Variants in PCDHGA10 observed in about 807,000 individuals in gnomAD.
PCDHGA10 encodes the protein protocadherin gamma subfamily A, 10.
A neutral mutation model predicts 59.5 loss-of-function variants in PCDHGA10; 42 were observed. The observed-to-expected ratio is 0.71, with a 90% CI of 0.55 to 0.91. PCDHGA10 has a LOEUF of 0.91. Ranked by LOEUF, PCDHGA10 falls within the 40% of genes least tolerant of loss-of-function variation. The pLI, the probability that PCDHGA10 is intolerant of heterozygous loss-of-function variation, is 0.00. For missense variants in PCDHGA10, 1,111 were observed against 1,198.2 expected (o/e 0.93, Z 1.07); for synonymous variants, 511 against 517.2 (o/e 0.99, Z 0.16).
chr5:141,486,019 T>C lies in PCDHGA10; in HGVS notation c.2437-8788T>C, dbSNP rs2078071. 3.2e-3 allele frequency: 5,143 copies of C among 1,613,986 alleles called. 141 individuals carry two copies. In the South Asian group the frequency reaches 0.046, roughly 14 times the overall value. ...GTGGTAACGTCACCTTTTATTTCAG[T>C]GGTCATACCCCTGATCGTGTAAGAA... On this transcript the variant is annotated intron_variant, in intron 1 of 3. Transcript: ENST00000398610. The surrounding 1 kb of genome is among the most constrained non-coding windows in gnomAD (Gnocchi z 5.0).
At chr5:141,492,834 G>T (rs544218873) in intron 1 of PCDHGA10, among the ~76,000 whole-genome samples, 36 of 152,332 alleles carry the variant, frequency 2.4e-4, no homozygotes, top group Non-Finnish European at 4.1e-4. Flanking sequence ...CCTTCCTCCC[G>T]CAGGAAGTGA....
rs2099670287 is a variant in PCDHGA10, at chr5:141,487,983, TC to T, written c.2437-6822del. Among the ~76,000 whole-genome samples, 3 of 152,290 alleles carry T rather than the reference TC, an allele frequency of 2.0e-5. No individual in the cohort carries two copies. The South Asian group carries it at 6.2e-4, about 32-fold the overall frequency. ...CAAAGGTGGCTGTTTTCTCTACTCT[TC>T]CTGAAAGAGGGGATCAGATTCTGAA... On this transcript the variant is annotated intron_variant, in intron 1 of 3. Coordinates refer to ENST00000398610, the MANE Select transcript of PCDHGA10 (RefSeq NM_018913.3). This position sits in a 1 kb window ranked among gnomAD's most constrained non-coding sequence, Gnocchi z 5.0.
At position 141,414,930 on chromosome 5, in the gene PCDHGA10, C is replaced by A. The variant is rs561548499; in HGVS notation, c.1755C>A (p.Ser585=). 1 of 1,614,156 alleles carries A rather than the reference C, an allele frequency of 6.2e-7. No homozygotes were observed. Among genetic ancestry groups the A allele is most frequent in the South Asian group, 1.1e-5 (1 of 91,084 alleles). Residue 585 remains serine (S), a synonymous_variant, in exon 1 of 4, where the codon TCC becomes TCA. Coordinates refer to ENST00000398610, the MANE Select transcript of PCDHGA10 (RefSeq NM_018913.3). ...CAGGCGTGGAGCTGGCGCCCCGCTC[C>A]GCAGAGCCCGGCTACCTGGTGACCA... The part of the protein sequence containing the change: ...GSTGVELAPR[S]AEPGYLVTKV...
At position 141,446,758 on chromosome 5, in the gene PCDHGA10, C is replaced by T. The variant is rs776925316; in HGVS notation, c.2436+31147C>T. Among the ~76,000 whole-genome samples, 10 of 152,208 alleles carry T rather than the reference C, an allele frequency of 6.6e-5. 1 individual carries two copies. Among genetic ancestry groups the T allele is most frequent in the African/African-American group, 9.7e-5 (4 of 41,448 alleles). On this transcript the variant is annotated intron_variant, in intron 1 of 3. Transcript: ENST00000398610. ...TGGGGATTACAGGCGTGAGCCACCG[C>T]GCCCAGCCGGTTACCATTCTTTTAC...
chr5:141,487,812 T>A lies in PCDHGA10; in HGVS notation c.2437-6995T>A. ...TAACCAGAGTTGTCACAGTTTAGCA[T>A]TGGGGGCGGGTCATGCCTATATCTG... On this transcript the variant is annotated intron_variant, in intron 1 of 3. Coordinates refer to ENST00000398610, the MANE Select transcript of PCDHGA10 (RefSeq NM_018913.3). The surrounding 1 kb of genome is among the most constrained non-coding windows in gnomAD (Gnocchi z 5.0). 1 of 1,408,206 alleles carries A rather than the reference T, an allele frequency of 7.1e-7. No individual in the cohort carries two copies. The highest frequency in any genetic ancestry group is 9.7e-7 in the Non-Finnish European group (1 of 1,036,248). 87.2% of individuals were successfully genotyped at this position (1,408,206 alleles called of 1,614,324 possible). A position where few individuals can be genotyped will look rare whatever the true frequency, so the allele number is the denominator to read the frequency against.
At chr5:141,468,701 C>A (rs1186497330) in intron 1 of PCDHGA10, 2 of 151,628 alleles carry the variant, frequency 1.3e-5, no homozygotes, top group African/African-American at 2.4e-5. Flanking sequence ...CCCGTCTCTA[C>A]TAAAAATATA....
intron 1 of PCDHGA10, chr5:141,419,724 G>A (rs200134846): frequency 1.9e-4 from 301 of 1,613,488 alleles, no homozygotes; most frequent in South Asian, 1.2e-3. Context: ...CTGGGGCTGC[G>A]AACAGGCGAG....
chr5:141,446,087 A>G (rs2154561251), intron 1 of PCDHGA10, among the ~76,000 whole-genome samples: 1 of 152,370 alleles, frequency 6.6e-6, no homozygotes, highest in Non-Finnish European at 1.5e-5. Flanking sequence ...GTAGAAATAA[A>G]TGGATGAATT....
At position 141,489,094 on chromosome 5, in the gene PCDHGA10, G is replaced by GAAA. The variant is rs2154581134; in HGVS notation, c.2437-5711_2437-5710insAAA. On this transcript the variant is annotated intron_variant, in intron 1 of 3. Coordinates refer to ENST00000398610, the MANE Select transcript of PCDHGA10 (RefSeq NM_018913.3). The surrounding 1 kb of genome is among the most constrained non-coding windows in gnomAD (Gnocchi z 4.5). ...CCCACCCCCGCCACTCGGTGACTAA[G>GAAA]AACTGCTGCAAGCAGGCAAACCTCC... The GAAA allele has an allele frequency of 5.1e-6, 2 of 396,028 alleles. No homozygotes were observed. Among genetic ancestry groups the GAAA allele is most frequent in the South Asian group, 4.8e-5 (1 of 20,814 alleles). The allele number at this position is 396,028 out of a possible 1,614,324, so 24.5% of individuals were successfully genotyped here.
chr5:141,419,638 C>G, intron 1 of PCDHGA10: 1 of 1,612,456 alleles, frequency 6.2e-7, no homozygotes, highest in Non-Finnish European at 8.5e-7. Context: ...AGGTGGTGGC[C>G]GTGGACGCGG....
In PCDHGA10 at chr5:141,414,476, C is replaced by G. The variant is rs1242647918; in HGVS notation, c.1301C>G (p.Pro434Arg). The change falls in exon 1 of 4, where the codon CCT (proline) becomes CGT (arginine). Residue 434 changes from proline to arginine, a missense_variant. Pro to Arg is a moderately radical substitution (Grantham distance 103, BLOSUM62 -2). Coordinates refer to ENST00000398610, the MANE Select transcript of PCDHGA10 (RefSeq NM_018913.3). ...ITVTATDGGS[P>R]PLSTEAHFML... Reference sequence around the variant, plus strand: ...GTGACAGCCACAGATGGGGGAAGTCCTCCTCTATCAACGGAAGCTCACTTT... The same window carrying G: ...GTGACAGCCACAGATGGGGGAAGTCGTCCTCTATCAACGGAAGCTCACTTT... 1 of 1,613,920 alleles carries G rather than the reference C, an allele frequency of 6.2e-7. No homozygotes were observed. Among genetic ancestry groups the G allele is most frequent in the Non-Finnish European group, 8.5e-7 (1 of 1,179,896 alleles).
chr5:141,478,652 G>A (rs188883724), intron 1 of PCDHGA10: 2 of 1,551,970 alleles, frequency 1.3e-6, no homozygotes, highest in East Asian at 2.4e-5. Flanking sequence ...TGTTTTCCTG[G>A]TGATGCATTC....
intron 1 of PCDHGA10, among the ~76,000 whole-genome samples, chr5:141,438,252 G>A (rs1181991674): frequency 6.6e-6 from 1 of 152,072 alleles, no homozygotes. Context: ...AACTGTCATT[G>A]AAGAGACCAT....
chr5:141,476,912 G>A lies in PCDHGA10; in HGVS notation c.2437-17895G>A, dbSNP rs1196222770. 1.9e-6 allele frequency: 3 copies of A among 1,614,098 alleles called. No homozygotes were observed. Among genetic ancestry groups the A allele is most frequent in the Non-Finnish European group, 2.5e-6 (3 of 1,180,048 alleles). On this transcript the variant is annotated intron_variant, in intron 1 of 3. Coordinates refer to ENST00000398610, the MANE Select transcript of PCDHGA10 (RefSeq NM_018913.3). The surrounding 1 kb of genome is among the most constrained non-coding windows in gnomAD (Gnocchi z 7.6). Reference sequence around the variant, plus strand: ...ACCCTCCGGCACGCGCGTGGTACAAGTCCTTGCAACGGATCTGGATGAAGG... The same window carrying A: ...ACCCTCCGGCACGCGCGTGGTACAAATCCTTGCAACGGATCTGGATGAAGG...
chr5:141,465,881 G>T (rs1000308014), intron 1 of PCDHGA10, among the ~76,000 whole-genome samples: 1 of 151,960 alleles, frequency 6.6e-6, no homozygotes, highest in African/African-American at 2.4e-5. Flanking sequence ...CCAGCACTTT[G>T]GGAGGCCGAG....
At chr5:141,416,362 G>A (rs562901653) in intron 1 of PCDHGA10, 4 of 152,306 alleles carry the variant, frequency 2.6e-5, no homozygotes, top group African/African-American at 7.2e-5. Flanking sequence ...GGAGGCTATA[G>A]AGGGTGAAAT....
Position 141,415,026 on chromosome 5 carries a change from G to T in PCDHGA10, c.1851G>T (p.Glu617Asp). ...WLSYRLLKASEPGLFAVGEHT... is the reference protein window; with the variant it reads ...WLSYRLLKASDPGLFAVGEHT... Reference sequence around the variant, plus strand: ...CCTACCGTCTGCTCAAGGCCAGCGAGCCGGGACTCTTCGCGGTGGGGGAGC... The same window carrying T: ...CCTACCGTCTGCTCAAGGCCAGCGATCCGGGACTCTTCGCGGTGGGGGAGC... Residue 617 changes from glutamate to aspartate, a missense_variant, in exon 1 of 4, where the codon GAG becomes GAT. By Grantham distance (45) the Glu-to-Asp change is conservative. Transcript: ENST00000398610. 2 of 1,613,590 alleles carry T rather than the reference G, an allele frequency of 1.2e-6. No individual in the cohort carries two copies. The highest frequency in any genetic ancestry group is 1.7e-6 in the Non-Finnish European group (2 of 1,179,992).
At position 141,418,812 on chromosome 5, in the gene PCDHGA10, A is replaced by T. The variant is rs761899929; in HGVS notation, c.2436+3201A>T. 4 of 1,613,914 alleles carry T rather than the reference A, an allele frequency of 2.5e-6. No individual in the cohort carries two copies. In the South Asian group the frequency reaches 4.4e-5, roughly 18 times the overall value. On this transcript the variant is annotated intron_variant, in intron 1 of 3. Transcript: ENST00000398610. ...GAAGAAGTAGAAAGATATACGATAA[A>T]CATAGAAGCAAAAGACCGAGGATCT... is the stretch of plus-strand genomic sequence containing the variant.
intron 3 of PCDHGA10, among the ~76,000 whole-genome samples, chr5:141,509,815 TCTC>T (rs1596250992): frequency 6.6e-6 from 1 of 152,226 alleles, no homozygotes; most frequent in East Asian, 1.9e-4. Flanking sequence ...GCCGAGCTCT[TCTC>T]CATCTTCTCT....
Sources: allele counts gnomAD v4.1 joint callset (sites outside exome capture counted in the v4.1 genomes callset), GRCh38; gene constraint gnomAD v4.1.1; non-coding constraint Gnocchi (gnomAD v3.1); transcripts MANE v1.5; gene names NCBI Gene and HGNC (gene_info 2026-07-23, HGNC 2026-07-21).